The following STON2 variants were observed in gnomAD, a reference collection of about 807,000 sequenced individuals.
STON2 encodes stonin 2.
A neutral mutation model predicts 65.7 loss-of-function variants in STON2; 29 were observed. The observed-to-expected ratio is 0.44, with a 90% CI of 0.33 to 0.60. The LOEUF (loss-of-function observed/expected upper bound fraction) is 0.60. Ranked by LOEUF, STON2 falls within the 20% of genes least tolerant of loss-of-function variation. The pLI is 0.03. For synonymous variants in STON2, 404 were observed against 414.2 expected (o/e 0.98, Z 0.30); for missense variants, 1,054 against 1,118.1 (o/e 0.94, Z 0.82).
intron 2 of STON2, among the ~76,000 whole-genome samples, chr14:81,413,517 C>T (rs2139867694): frequency 7.1e-6 from 1 of 140,008 alleles, no homozygotes; most frequent in Middle Eastern, 3.5e-3. Flanking sequence ...ATCTGTTGGC[C>T]GGGCGCAGTG....
intron 2 of STON2, among the ~76,000 whole-genome samples, chr14:81,412,576 G>A (rs1248537405): frequency 7.2e-6 from 1 of 138,738 alleles, no homozygotes; most frequent in Non-Finnish European, 1.5e-5. Context: ...GGTTGCCAGG[G>A]GCCAGGGAGG....
intron 4 of STON2, among the ~76,000 whole-genome samples, chr14:81,338,813 C>G (rs904303980): frequency 6.6e-6 from 1 of 152,140 alleles, no homozygotes; most frequent in African/African-American, 2.4e-5. Flanking sequence ...GTGAAACATT[C>G]TGTATTGAGA....
intron 3 of STON2, among the ~76,000 whole-genome samples, chr14:81,391,294 T>A (rs1272491470): frequency 6.6e-6 from 1 of 152,254 alleles, no homozygotes; most frequent in Non-Finnish European, 1.5e-5. Flanking sequence ...TTCTGCATAA[T>A]GCCTGCAGTT....
At chr14:81,429,106 A>T (rs1000267894) in intron 1 of STON2, among the ~76,000 whole-genome samples, 14 of 152,248 alleles carry the variant, frequency 9.2e-5, no homozygotes, top group African/African-American at 3.4e-4. Context: ...CTTAAAATTA[A>T]CAAGGACCCT....
intron 4 of STON2, among the ~76,000 whole-genome samples, chr14:81,337,520 C>T (rs1566915060): frequency 1.3e-5 from 2 of 152,062 alleles, no homozygotes; most frequent in Admixed American, 6.5e-5. Context: ...AGAAAGAGGG[C>T]ACAGGAGACC....
At chr14:81,295,611 G>A (rs1895733544) in intron 5 of STON2, among the ~76,000 whole-genome samples, 1 of 152,182 alleles carries the variant, frequency 6.6e-6, no homozygotes, top group Non-Finnish European at 1.5e-5. Context: ...AGTGGCAGAT[G>A]CCACTCAAGT....
At chr14:81,382,895 A>G (rs369261130) in intron 3 of STON2, among the ~76,000 whole-genome samples, 7 of 152,142 alleles carry the variant, frequency 4.6e-5, no homozygotes, top group African/African-American at 1.4e-4. Context: ...CCTCTCACAA[A>G]CTGTTCTCAT....
chr14:81,337,516 A>C (rs1035728604), intron 4 of STON2, among the ~76,000 whole-genome samples: 17 of 152,162 alleles, frequency 1.1e-4, no homozygotes, highest in African/African-American at 4.1e-4. Flanking sequence ...GAGAAGAAAG[A>C]GGGCACAGGA....
intron 3 of STON2, among the ~76,000 whole-genome samples, chr14:81,387,484 A>C (rs571351482): frequency 6.6e-6 from 1 of 152,312 alleles, no homozygotes; most frequent in East Asian, 1.9e-4. Flanking sequence ...TTTAATGTTG[A>C]ACATAATTTT....
At chr14:81,331,494 C>T (rs1374828916) in intron 4 of STON2, among the ~76,000 whole-genome samples, 12 of 152,158 alleles carry the variant, frequency 7.9e-5, no homozygotes, top group Admixed American at 7.9e-4. Context: ...CAGTTCAATA[C>T]TACTGGGAGG....
Position 81,278,646 on chromosome 14 carries a change from G to T in STON2, c.836C>A (p.Pro279His), listed in dbSNP as rs1485810132. Residue 279 changes from proline to histidine, a missense_variant, in exon 6 of 8, where the codon CCT (proline) becomes CAT (histidine). Pro to His is a moderately conservative substitution (Grantham distance 77, BLOSUM62 -2). Coordinates refer to ENST00000614646, the MANE Select transcript of STON2 (RefSeq NM_001394390.1). ...GGGAAAACGAGCAGAGGTCACTGGAGGGGCAGGGTGCCCATTCATGGCTGG... is the reference window on the plus strand; with the variant it reads ...GGGAAAACGAGCAGAGGTCACTGGATGGGCAGGGTGCCCATTCATGGCTGG... ...SSPAMNGHPAPPVTSARFPSW... is the reference protein window; with the variant it reads ...SSPAMNGHPAHPVTSARFPSW... The T allele has an allele frequency of 6.4e-7, 1 of 1,563,174 alleles. No homozygotes were observed. Among genetic ancestry groups the T allele is most frequent in the Non-Finnish European group, 8.7e-7 (1 of 1,153,866 alleles).
chr14:81,419,331 G>A (rs746308772), intron 2 of STON2, among the ~76,000 whole-genome samples: 2 of 152,138 alleles, frequency 1.3e-5, no homozygotes, highest in Admixed American at 6.5e-5. Context: ...AGTAGTAAGT[G>A]GCAAAGCTAG....
intron 5 of STON2, among the ~76,000 whole-genome samples, chr14:81,295,475 G>C (rs138654474): frequency 6.6e-6 from 1 of 152,326 alleles, no homozygotes; most frequent in East Asian, 1.9e-4. Flanking sequence ...GATGAAAGAG[G>C]TCATGGCTTT....
intron 3 of STON2, among the ~76,000 whole-genome samples, chr14:81,393,240 C>T (rs1191147835): frequency 6.6e-6 from 1 of 152,108 alleles, no homozygotes; most frequent in Non-Finnish European, 1.5e-5. Context: ...ATCTTTGAGG[C>T]TAAAGATAAA....
intron 4 of STON2, among the ~76,000 whole-genome samples, chr14:81,352,929 C>T (rs1239497425): frequency 1.3e-5 from 2 of 152,276 alleles, no homozygotes; most frequent in South Asian, 2.1e-4. Context: ...TCAGTAACCA[C>T]AAGAATATAT....
rs149870205 is a variant in STON2 at position 81,421,473 on chromosome 14, T to A, written c.-199+5629A>T. Among the ~76,000 whole-genome samples, 628 of 152,218 alleles carry A rather than the reference T, an allele frequency of 4.1e-3. 5 individuals are homozygous for A. Among genetic ancestry groups the A allele is most frequent in the African/African-American group, 0.015 (603 of 41,526 alleles). On this transcript the variant is annotated intron_variant, in intron 2 of 8. Transcript: ENST00000553821. ...TAGAAAAAGGTTATTCTGGAAGCAA[T>A]GAGAGAGATCAACCAGAGAGTGAAA...
At position 81,265,380 on chromosome 14, in the gene STON2, C is replaced by T; in HGVS notation, c.*3034G>A. ...AATTAATAATAATTTGTGGGTCCAG[C>T]ATGGTGGCTCACGCCTGTAATCCCA... On this transcript the variant is annotated 3_prime_UTR_variant, in exon 8 of 8. Coordinates refer to ENST00000614646, the MANE Select transcript of STON2 (RefSeq NM_001394390.1). 1.8e-5 allele frequency: 18 copies of T among 980,272 alleles called. No homozygotes were observed. Among genetic ancestry groups the T allele is most frequent in the Non-Finnish European group, 2.2e-5 (18 of 825,396 alleles). The allele number at this position is 980,272 out of a possible 1,614,324, so 60.7% of individuals were successfully genotyped here. A position where few individuals can be genotyped will look rare whatever the true frequency, so the allele number is the denominator to read the frequency against.
At chr14:81,352,971 A>T (rs1367280937) in intron 4 of STON2, among the ~76,000 whole-genome samples, 1 of 152,202 alleles carries the variant, frequency 6.6e-6, no homozygotes, top group Non-Finnish European at 1.5e-5. Flanking sequence ...TCCCTAAGTC[A>T]CCATATTTGC....
At chr14:81,313,849 C>T (rs1276034442) in intron 5 of STON2, among the ~76,000 whole-genome samples, 1 of 145,790 alleles carries the variant, frequency 6.9e-6, no homozygotes, top group Non-Finnish European at 1.5e-5. Flanking sequence ...ACTAATGAAA[C>T]AGATCATTCA....
Sources: gnomAD v4.1 joint callset for allele counts (sites outside exome capture counted in the v4.1 genomes callset) on GRCh38, gnomAD v4.1.1 for gene constraint, MANE v1.5 for transcripts, NCBI Gene and HGNC (gene_info 2026-07-23, HGNC 2026-07-21) for gene names.